DYM: variants seen among roughly 807,000 people sequenced by gnomAD.
The protein encoded by DYM is dymeclin.
A neutral mutation model predicts 93.1 loss-of-function variants in DYM; 78 were observed. The observed-to-expected ratio is 0.84, with a 90% confidence interval of 0.70 to 1.01. DYM has a LOEUF of 1.01. Ranked by LOEUF, DYM falls within the 50% of genes least tolerant of loss-of-function variation. DYM has a pLI of 0.00. For missense variants in DYM, 789 were observed against 845.0 expected, an observed-to-expected ratio of 0.93 and a Z score of 0.82; for synonymous variants, 321 against 319.7, an observed-to-expected ratio of 1.00 and a Z score of -0.04.
At chr18:49,207,535 G>A (rs760173277) in intron 14 of DYM, among the ~76,000 whole-genome samples, 9 of 152,208 alleles carry the variant, frequency 5.9e-5, no homozygotes, top group African/African-American at 9.6e-5. Flanking sequence ...TTTATGGAAT[G>A]TTAAGGAAAG....
chr18:49,242,122 G>A (rs554176166), intron 13 of DYM, among the ~76,000 whole-genome samples: 1 of 152,152 alleles, frequency 6.6e-6, no homozygotes, highest in Non-Finnish European at 1.5e-5. Flanking sequence ...CTAATTTAAA[G>A]TAATCTGGGC....
intron 17 of DYM, among the ~76,000 whole-genome samples, chr18:49,074,132 C>T (rs74518711): frequency 6.6e-6 from 1 of 152,200 alleles, no homozygotes; most frequent in Non-Finnish European, 1.5e-5. Flanking sequence ...TAAATTTACA[C>T]AGTTGGCTCT....
intron 14 of DYM, among the ~76,000 whole-genome samples, chr18:49,185,452 A>G (rs1420715572): frequency 6.6e-6 from 1 of 152,256 alleles, no homozygotes; most frequent in Non-Finnish European, 1.5e-5. Context: ...AGACAGGTAG[A>G]AGTTGTAATG....
intron 8 of DYM, among the ~76,000 whole-genome samples, chr18:49,312,763 C>G (rs932991660): frequency 5.9e-5 from 9 of 152,198 alleles, no homozygotes; most frequent in African/African-American, 1.9e-4. Context: ...GGGGCATCAC[C>G]ACCAGGGGTC....
chr18:49,125,958 G>T (rs2082779986), intron 15 of DYM, among the ~76,000 whole-genome samples: 1 of 152,100 alleles, frequency 6.6e-6, no homozygotes, highest in Non-Finnish European at 1.5e-5. Context: ...ATACAACCTG[G>T]CTTAAAGCCT....
chr18:49,418,087 A>T (rs1018661690), intron 2 of DYM: 9 of 151,690 alleles, frequency 5.9e-5, no homozygotes, highest in African/African-American at 2.2e-4. Flanking sequence ...AAAGATTATA[A>T]GCCTTTAAGG....
At position 49,258,463 on chromosome 18, in the gene DYM, G is replaced by A. The variant is rs771414481; in HGVS notation, c.1282C>T (p.Arg428Ter). Residue 428 changes from arginine (R) to a stop codon, truncating the protein, a stop_gained, in exon 12 of 18, where the codon CGA becomes TGA. Coordinates refer to ENST00000675505, the MANE Select transcript of DYM (RefSeq NM_001353214.3). LOFTEE classifies it high-confidence loss of function. ...CCCAAGGAGATTTCAGTTAAAACTC[G>A]TTCTGAATACCAAGTAATATTTTTT... ...ILKNITWYSE[R>*]VLTEISLGSL... 3.1e-6 allele frequency: 5 copies of A among 1,612,100 alleles called. No individual in the cohort carries two copies. The highest frequency in any genetic ancestry group is 2.2e-5 in the East Asian group (1 of 44,850).
intron 8 of DYM, among the ~76,000 whole-genome samples, chr18:49,320,908 A>C (rs540054251): frequency 2.0e-5 from 3 of 152,310 alleles, no homozygotes; most frequent in African/African-American, 7.2e-5. Flanking sequence ...TAGTTTGAGG[A>C]TTTTTCCTAC....
At chr18:49,342,479 A>G (rs2064242140) in intron 6 of DYM, among the ~76,000 whole-genome samples, 1 of 152,216 alleles carries the variant, frequency 6.6e-6, no homozygotes, top group African/African-American at 2.4e-5. Context: ...TTGGAATGGC[A>G]TTAGTCTGCC....
At chr18:49,254,217 G>A (rs1343561354) in intron 13 of DYM, among the ~76,000 whole-genome samples, 2 of 149,924 alleles carry the variant, frequency 1.3e-5, no homozygotes, top group African/African-American at 4.9e-5. Flanking sequence ...TTCTTTCATT[G>A]TAATATTAAG....
At chr18:49,224,793 T>C (rs532607152) in intron 13 of DYM, among the ~76,000 whole-genome samples, 1 of 152,182 alleles carries the variant, frequency 6.6e-6, no homozygotes, top group East Asian at 1.9e-4. Context: ...TATATGCTAT[T>C]TTGTTATAGC....
In DYM at chr18:49,395,532, G is replaced by C. The variant is rs568933943; in HGVS notation, c.141-3887C>G. Among the ~76,000 whole-genome samples, 29 of 152,212 alleles carry C rather than the reference G, an allele frequency of 1.9e-4. No homozygotes were observed. The East Asian group carries it at 5.2e-3, about 27-fold the overall frequency. On this transcript the variant is annotated intron_variant, in intron 2 of 17. Transcript: ENST00000675505. The stretch of plus-strand genomic sequence containing the variant: ...TAATTACAGCTACTCAGGAGGCTGA[G>C]GCAGGAGAATCGCTTGAAACTGGGA...
intron 8 of DYM, among the ~76,000 whole-genome samples, chr18:49,308,288 G>GTATA (rs1340030482): frequency 1.9e-5 from 2 of 105,856 alleles, no homozygotes; most frequent in African/African-American, 6.5e-5. Flanking sequence ...ACACTTGTGT[G>GTATA]TGTATATATA....
Position 49,331,896 on chromosome 18 carries a change from C to A in DYM, c.731G>T (p.Gly244Val), listed in dbSNP as rs2063330670. The change falls in exon 8 of 18, where the codon GGA (glycine) becomes GTA (valine). Residue 244 changes from glycine (G) to valine (V), a missense_variant. Gly to Val is a moderately radical substitution (Grantham distance 109). This residue lies in a region of DYM where 450 missense variants were observed against 436.2 expected (regional missense o/e 1.03). Coordinates refer to ENST00000675505, the MANE Select transcript of DYM (RefSeq NM_001353214.3). ...HVFPQQSDGG[G>V]LLYGLASGVA... ...TCCTGATGCAAGTCCATAAAGCAGT[C>A]CTCCCCCATCCGACTGCTGAGGGAA... is the stretch of plus-strand genomic sequence containing the variant. 1 of 1,613,946 alleles carries A rather than the reference C, an allele frequency of 6.2e-7. No individual in the cohort carries two copies. Among genetic ancestry groups the A allele is most frequent in the South Asian group, 1.1e-5 (1 of 91,078 alleles).
chr18:49,202,577 T>C (rs1055863076), intron 14 of DYM, among the ~76,000 whole-genome samples: 1 of 124,158 alleles, frequency 8.1e-6, no homozygotes, highest in African/African-American at 3.2e-5. Flanking sequence ...CCATCACATC[T>C]AGGAAGTGAG....
chr18:49,391,723 T>C (rs1195715398), intron 2 of DYM, 78 bp from the exon 3 acceptor site: 24 of 1,245,426 alleles, frequency 1.9e-5, no homozygotes, highest in East Asian at 2.5e-5. Context: ...AAGAAATATA[T>C]AAAGATAAGA....
At chr18:49,187,770 A>C (rs2090589217) in intron 14 of DYM, among the ~76,000 whole-genome samples, 1 of 152,212 alleles carries the variant, frequency 6.6e-6, no homozygotes, top group Non-Finnish European at 1.5e-5. Flanking sequence ...AAGAGGGAAA[A>C]ATTCACTTTT....
chr18:49,126,696 A>G (rs191297428), intron 15 of DYM, among the ~76,000 whole-genome samples: 1 of 152,274 alleles, frequency 6.6e-6, no homozygotes, highest in Admixed American at 6.5e-5. Context: ...CAGCATTTGT[A>G]AAGTCCTTAA....
At chr18:49,287,066 C>T (rs963720636) in intron 8 of DYM, among the ~76,000 whole-genome samples, 1 of 151,968 alleles carries the variant, frequency 6.6e-6, no homozygotes, top group Admixed American at 6.5e-5. Flanking sequence ...TGGCAGGCGC[C>T]TGTAGTCCCA....
Sources: gnomAD v4.1 joint callset for allele counts (sites outside exome capture counted in the v4.1 genomes callset) on GRCh38, gnomAD v4.1.1 for gene constraint, gnomAD v4.1.1 regional missense constraint, MANE v1.5 for transcripts, NCBI Gene and HGNC (gene_info 2026-07-23, HGNC 2026-07-21) for gene names.